The following HMGCLL1 variants were observed in gnomAD, a reference collection of about 807,000 sequenced individuals.
The protein encoded by HMGCLL1 is 3-hydroxymethyl-3-methylglutaryl-CoA lyase, cytoplasmic.
HMGCLL1 carries 36 observed loss-of-function variants against 39.1 expected under a neutral mutation model. That is an observed-to-expected ratio of 0.92 (90% CI 0.71 to 1.22). The LOEUF is 1.22. HMGCLL1 is among the 50% of genes most tolerant of loss of function. The pLI is 0.00. For missense variants in HMGCLL1, 451 were observed against 416.5 expected, an observed-to-expected ratio of 1.08 and a Z score of -0.72; for synonymous variants, 149 against 144.0, an observed-to-expected ratio of 1.03 and a Z score of -0.25.
the HMGCLL1 span, among the ~76,000 whole-genome samples, chr6:55,622,516 G>C: frequency 3.9e-5 from 6 of 151,984 alleles, no homozygotes; most frequent in Non-Finnish European, 8.8e-5. Context: ...TTTAGTATCA[G>C]TTGAGATGAT....
chr6:55,546,337 G>A (rs1769973880), intron 1 of HMGCLL1, among the ~76,000 whole-genome samples: 2 of 152,022 alleles, frequency 1.3e-5, no homozygotes, highest in Admixed American at 6.6e-5. Flanking sequence ...TTTTGTAGAA[G>A]CCTATTTTAA....
chr6:55,549,731 CTGT>C (rs1770210798), intron 1 of HMGCLL1, among the ~76,000 whole-genome samples: 1 of 151,724 alleles, frequency 6.6e-6, no homozygotes, highest in African/African-American at 2.4e-5. Flanking sequence ...TTAATTGAGG[CTGT>C]TATTATTTAT....
chr6:55,594,635 G>C, the HMGCLL1 span, among the ~76,000 whole-genome samples: 3 of 152,126 alleles, frequency 2.0e-5, no homozygotes, highest in South Asian at 6.2e-4. Flanking sequence ...GAGCACGCAG[G>C]GTGCTAGCTG....
At chr6:55,504,365 T>C (rs1767049022) in intron 5 of HMGCLL1, among the ~76,000 whole-genome samples, 1 of 151,770 alleles carries the variant, frequency 6.6e-6, no homozygotes, top group Admixed American at 6.6e-5. Context: ...TTACTTTAAA[T>C]TTCAATAGTA....
Position 55,496,492 on chromosome 6 carries a change from G to T in HMGCLL1, c.607-885C>A, listed in dbSNP as rs142994101. ...CCTGTTGCTATTCCAGTGAGCTCCA[G>T]TGAGGGTATCCACTTAAAATCCTGG... On this transcript the variant is annotated intron_variant, in intron 6 of 8. Transcript: ENST00000274901. Among the ~76,000 whole-genome samples, 9 of 152,228 alleles carry T rather than the reference G, an allele frequency of 5.9e-5. No homozygotes were observed. In the East Asian group the frequency reaches 1.7e-3, roughly 29 times the overall value.
At chr6:55,485,403 T>A (rs1765972139) in intron 7 of HMGCLL1, among the ~76,000 whole-genome samples, 1 of 152,100 alleles carries the variant, frequency 6.6e-6, no homozygotes. Context: ...CGTGGCTGTG[T>A]GCCTAGAACA....
rs1016343481 is a variant in HMGCLL1 at position 55,541,810 on chromosome 6, A to G, written c.216T>C (p.Ile72=). The G allele has an allele frequency of 6.2e-7, 1 of 1,602,874 alleles. No individual in the cohort carries two copies. The highest frequency in any genetic ancestry group is 1.1e-5 in the South Asian group (1 of 90,108). The change falls in exon 3 of 9, where the codon ATT becomes ATC. Residue 72 remains isoleucine, a synonymous_variant. Coordinates refer to ENST00000274901, the MANE Select transcript of HMGCLL1 (RefSeq NM_001042406.2). ...TTTGGGAAAGTCGATTGATAAATTC[A>G]ATTTTTATATCTGTAGGAACTATAA... ...EKVIVPTDIK[I]EFINRLSQTG... is the part of the protein sequence containing the mutation.
At chr6:55,631,547 T>C in the HMGCLL1 span, among the ~76,000 whole-genome samples, 2 of 152,086 alleles carry the variant, frequency 1.3e-5, 1 homozygote, top group African/African-American at 4.8e-5. Flanking sequence ...AGTGCCCTGC[T>C]TTGGTGTCTA....
chr6:55,439,481 C>T lies in HMGCLL1; in HGVS notation c.874G>A (p.Ala292Thr), dbSNP rs1233803980. The change falls in exon 8 of 9, where the codon GCC becomes ACC. Residue 292 changes from alanine to threonine, a missense_variant. Ala to Thr is a moderately conservative substitution (Grantham distance 58). Coordinates refer to ENST00000274901, the MANE Select transcript of HMGCLL1 (RefSeq NM_001042406.2). ...AGCATATATATCAAATCCTCAGTGGCTACATTCCCAGAAGCACCTTTTGCA... is the reference window on the plus strand; with the variant it reads ...AGCATATATATCAAATCCTCAGTGGTTACATTCCCAGAAGCACCTTTTGCA... ...PYAKGASGNV[A>T]TEDLIYMLNG... 1.2e-6 allele frequency: 2 copies of T among 1,612,692 alleles called. No individual in the cohort carries two copies. The highest frequency in any genetic ancestry group is 1.7e-6 in the Non-Finnish European group (2 of 1,179,168).
intron 7 of HMGCLL1, among the ~76,000 whole-genome samples, chr6:55,457,655 T>G (rs747501746): frequency 8.5e-5 from 13 of 152,212 alleles, no homozygotes; most frequent in Admixed American, 2.0e-4. Flanking sequence ...CCCTTCTTTT[T>G]TCCTTCGTTC....
the HMGCLL1 span, among the ~76,000 whole-genome samples, chr6:55,637,719 T>TGTGTGTGTGTGTGTGC: frequency 6.6e-6 from 1 of 150,880 alleles, no homozygotes; most frequent in African/African-American, 2.4e-5. Context: ...TTGATATGTG[T>TGTGTGTGTGTGTGTGC]GTGTGTGTGT....
chr6:55,558,056 A>G (rs922370797), intron 1 of HMGCLL1, among the ~76,000 whole-genome samples: 2 of 152,198 alleles, frequency 1.3e-5, no homozygotes, highest in Admixed American at 1.3e-4. Context: ...GAGAAAGGGA[A>G]TTAGGAAAGG....
intron 7 of HMGCLL1, among the ~76,000 whole-genome samples, chr6:55,468,479 C>T (rs968802114): frequency 4.0e-5 from 6 of 151,816 alleles, no homozygotes; most frequent in African/African-American, 1.5e-4. Context: ...TGAGAGAAGC[C>T]AACCTTCTAG....
intron 3 of HMGCLL1, among the ~76,000 whole-genome samples, chr6:55,538,609 C>A (rs1292892565): frequency 1.3e-5 from 2 of 152,106 alleles, no homozygotes; most frequent in Non-Finnish European, 2.9e-5. Context: ...GGACCAAATA[C>A]ATGAACAAAG....
chr6:55,651,890 A>G, the HMGCLL1 span, among the ~76,000 whole-genome samples: 2 of 152,028 alleles, frequency 1.3e-5, no homozygotes, highest in Non-Finnish European at 2.9e-5. Context: ...AATTCAATGT[A>G]AAGTCTCTGA....
At chr6:55,610,110 T>G in the HMGCLL1 span, among the ~76,000 whole-genome samples, 49 of 152,166 alleles carry the variant, frequency 3.2e-4, no homozygotes, top group African/African-American at 1.1e-3. Flanking sequence ...ACCCAAAATG[T>G]CAGAATGCCT....
the HMGCLL1 span, among the ~76,000 whole-genome samples, chr6:55,626,106 G>A: frequency 6.6e-6 from 1 of 152,104 alleles, no homozygotes; most frequent in African/African-American, 2.4e-5. Flanking sequence ...CTGAGCCTTT[G>A]ATATGACACC....
the HMGCLL1 span, among the ~76,000 whole-genome samples, chr6:55,669,466 T>A: frequency 6.6e-6 from 1 of 151,796 alleles, no homozygotes; most frequent in Non-Finnish European, 1.5e-5. Flanking sequence ...CAGTATGTAA[T>A]CCAAAATTAC....
the HMGCLL1 span, among the ~76,000 whole-genome samples, chr6:55,623,205 A>C: frequency 2.2e-4 from 33 of 151,838 alleles, no homozygotes; most frequent in African/African-American, 7.7e-4. Flanking sequence ...AAAACTTTTA[A>C]TTTTGGTGAT....
Sources: gnomAD v4.1 joint callset for allele counts (sites outside exome capture counted in the v4.1 genomes callset) on GRCh38, gnomAD v4.1.1 for gene constraint, MANE v1.5 for transcripts, NCBI Gene and HGNC (gene_info 2026-07-23, HGNC 2026-07-21) for gene names.